Variants in MRTFB observed in about 807,000 individuals in gnomAD.
The protein encoded by MRTFB is myocardin related transcription factor B.
MRTFB carries 29 observed loss-of-function variants against 104.2 expected under a neutral mutation model. That is an observed-to-expected ratio of 0.28 (90% CI 0.21 to 0.38). The LOEUF is 0.38. MRTFB is among the 10% of genes least tolerant of loss of function. The pLI, the probability that MRTFB is intolerant of heterozygous loss-of-function variation, is 1.00. For synonymous variants in MRTFB, 535 were observed against 519.5 expected, an observed-to-expected ratio of 1.03 and a Z score of -0.41; for missense variants, 1,270 against 1,341.6, an observed-to-expected ratio of 0.95 and a Z score of 0.83.
At chr16:14,157,513 C>G (rs1184398442) in intron 3 of MRTFB, among the ~76,000 whole-genome samples, 1 of 152,168 alleles carries the variant, frequency 6.6e-6, no homozygotes, top group Admixed American at 6.5e-5. Flanking sequence ...CAGGGCCACC[C>G]CTTACTGCCC....
intron 3 of MRTFB, among the ~76,000 whole-genome samples, chr16:14,199,183 C>T (rs541685306): frequency 9.9e-5 from 15 of 152,180 alleles, no homozygotes; most frequent in Admixed American, 7.9e-4. Flanking sequence ...CTTGATCATG[C>T]CTCCTTTAAA....
At position 14,204,106 on chromosome 16, in the gene MRTFB, A is replaced by G. The variant is rs574016184; in HGVS notation, c.155-6137A>G. On this transcript the variant is annotated intron_variant, in intron 3 of 16. Coordinates refer to ENST00000571589, the MANE Select transcript of MRTFB (RefSeq NM_001308142.2). ...GAGCCTCCCAAGTAGCTGGGACTAC[A>G]GGTGTGTGCTACCATGCCAGCTAAT... 2.9e-4 allele frequency among the ~76,000 whole-genome samples: 44 copies of G among 152,106 alleles called. No individual in the cohort carries two copies. In the South Asian group the frequency reaches 5.0e-3, roughly 17 times the overall value.
chr16:14,080,003 C>G lies in MRTFB; in HGVS notation c.-64+649C>G, dbSNP rs569650432. Among the ~76,000 whole-genome samples the G allele has an allele frequency of 5.9e-5, 9 of 152,246 alleles. No homozygotes were observed. In the South Asian group the frequency reaches 1.2e-3, roughly 21 times the overall value. ...CATCTCTGCGGGAATTGGAAAGATACGCGTAATCCTACATGATCATTTTAC... is the reference window on the plus strand; with the variant it reads ...CATCTCTGCGGGAATTGGAAAGATAGGCGTAATCCTACATGATCATTTTAC... On this transcript the variant is annotated intron_variant, in intron 2 of 16. Transcript: ENST00000571589.
chr16:14,039,521 T>C, the MRTFB span, among the ~76,000 whole-genome samples: 1 of 151,816 alleles, frequency 6.6e-6, no homozygotes, highest in African/African-American at 2.4e-5. Context: ...AAATTAAGAG[T>C]TTTATTTCCC....
At chr16:14,117,002 G>C (rs958900381) in intron 2 of MRTFB, among the ~76,000 whole-genome samples, 3 of 152,206 alleles carry the variant, frequency 2.0e-5, no homozygotes, top group African/African-American at 7.2e-5. Context: ...CAGATGAAGA[G>C]TCTAGCTCAG....
intron 10 of MRTFB, among the ~76,000 whole-genome samples, chr16:14,242,768 G>T (rs889956516): frequency 1.3e-5 from 2 of 151,898 alleles, no homozygotes; most frequent in Admixed American, 6.6e-5. Flanking sequence ...CTATTGATTT[G>T]GGAGAAAAAT....
chr16:14,231,944 T>G (rs545283191), intron 8 of MRTFB, among the ~76,000 whole-genome samples: 2 of 152,366 alleles, frequency 1.3e-5, no homozygotes, highest in Non-Finnish European at 2.9e-5. Context: ...AGTTGGGTTA[T>G]TCTTGTGTTA....
At chr16:14,196,374 C>T (rs1016798691) in intron 3 of MRTFB, among the ~76,000 whole-genome samples, 14 of 152,158 alleles carry the variant, frequency 9.2e-5, no homozygotes, top group African/African-American at 3.4e-4. Context: ...TCTTTAATTT[C>T]TAAGAGAAGG....
the MRTFB span, among the ~76,000 whole-genome samples, chr16:14,016,702 G>A: frequency 8.1e-4 from 118 of 145,784 alleles, 1 homozygote; most frequent in Middle Eastern, 3.7e-3. Flanking sequence ...GAACCCAGGA[G>A]GCGGAGGTTG....
chr16:14,210,367 A>G lies in MRTFB; in HGVS notation c.220+59A>G, dbSNP rs2041140013. The G allele has an allele frequency of 2.3e-6, 3 of 1,319,446 alleles. No individual in the cohort carries two copies. In the Admixed American group the frequency reaches 5.5e-5, roughly 24 times the overall value. The allele number at this position is 1,319,446 out of a possible 1,614,324, so 81.7% of individuals were successfully genotyped here. The stretch of plus-strand genomic sequence containing the variant: ...TGACAGAACATGACGGGCGTGTCCA[A>G]GAAGAGCCTGCATCTTGCTCTGCTT... On this transcript the variant is annotated intron_variant, in intron 4 of 16. Coordinates refer to ENST00000571589, the MANE Select transcript of MRTFB (RefSeq NM_001308142.2).
chr16:14,245,732 A>T, intron 11 of MRTFB, 72 bp downstream of exon 11: 1 of 1,510,632 alleles, frequency 6.6e-7, no homozygotes, highest in South Asian at 1.3e-5. Context: ...AGCGTTGTCT[A>T]GCAGACATTA....
chr16:14,094,345 A>G (rs982119402), intron 2 of MRTFB, among the ~76,000 whole-genome samples: 1 of 152,260 alleles, frequency 6.6e-6, no homozygotes, highest in Non-Finnish European at 1.5e-5. Context: ...GTCTGAGTGT[A>G]GAAAGTATAA....
At chr16:14,185,187 G>A (rs867105070) in intron 3 of MRTFB, among the ~76,000 whole-genome samples, 2 of 152,200 alleles carry the variant, frequency 1.3e-5, no homozygotes. Context: ...GCCGAGGATG[G>A]ACTTAAATTG....
At chr16:14,053,477 A>G in the MRTFB span, among the ~76,000 whole-genome samples, 1 of 152,094 alleles carries the variant, frequency 6.6e-6, no homozygotes, top group Admixed American at 6.5e-5. Flanking sequence ...TCACATCTGT[A>G]ATCCCAGCAC....
chr16:14,016,215 A>G, the MRTFB span, among the ~76,000 whole-genome samples: 6 of 152,300 alleles, frequency 3.9e-5, no homozygotes, highest in East Asian at 1.2e-3. Context: ...GTAGAAAGTT[A>G]GAAGAGTCAT....
chr16:14,248,844 A>C, intron 12 of MRTFB, 82 bp from the exon 13 acceptor site: 1 of 1,440,048 alleles, frequency 6.9e-7, no homozygotes. Context: ...TCCCCAAGTG[A>C]CCAGTGATTC....
chr16:14,237,330 C>T (rs1266780121), intron 9 of MRTFB, among the ~76,000 whole-genome samples: 2 of 152,308 alleles, frequency 1.3e-5, no homozygotes, highest in South Asian at 2.1e-4. Context: ...AAGAGTGAGG[C>T]AAGGCAGCCC....
Position 14,245,550 on chromosome 16 carries a change from A to C in MRTFB, c.1102A>C (p.Asn368His), listed in dbSNP as rs772082734. ...AAGGCCACTCAATGACAAAAATAGT[A>C]ACAGTGGGAATTCAGCTTTGAACAA... ...PFKPLNDKNS[N>H]SGNSALNNAT... The change falls in exon 11 of 17, where the codon AAC becomes CAC. Residue 368 changes from asparagine (N) to histidine (H), a missense_variant. Physicochemically the swap from Asn to His is moderately conservative, Grantham distance 68 (BLOSUM62 1). Coordinates refer to ENST00000571589, the MANE Select transcript of MRTFB (RefSeq NM_001308142.2). The C allele has an allele frequency of 6.2e-7, 1 of 1,612,514 alleles. No individual in the cohort carries two copies. The highest frequency in any genetic ancestry group is 8.5e-7 in the Non-Finnish European group (1 of 1,179,564).
chr16:14,105,068 T>C (rs533535653), intron 2 of MRTFB, among the ~76,000 whole-genome samples: 39 of 152,264 alleles, frequency 2.6e-4, no homozygotes, highest in African/African-American at 9.4e-4. Flanking sequence ...AGTGAACTGA[T>C]GCCCAGAACT....
Sources: allele counts gnomAD v4.1 joint callset (sites outside exome capture counted in the v4.1 genomes callset), GRCh38; gene constraint gnomAD v4.1.1; transcripts MANE v1.5; gene names NCBI Gene and HGNC (gene_info 2026-07-23, HGNC 2026-07-21).